Variants in CNTNAP2 observed in about 807,000 individuals in gnomAD.
CNTNAP2 encodes contactin-associated protein-like 2.
A neutral mutation model predicts 155.2 loss-of-function variants in CNTNAP2; 98 were observed. The observed-to-expected ratio is 0.63, with a 90% CI of 0.54 to 0.75. The LOEUF is 0.75. CNTNAP2 is among the 30% of genes least tolerant of loss of function. The pLI, the probability that CNTNAP2 is intolerant of heterozygous loss-of-function variation, is 0.00. For synonymous variants in CNTNAP2, 651 were observed against 631.2 expected (o/e 1.03, Z -0.47); for missense variants, 1,727 against 1,688.1 (o/e 1.02, Z -0.40).
chr7:146,160,097 G>A (rs1344304914), intron 1 of CNTNAP2, among the ~76,000 whole-genome samples: 1 of 152,132 alleles, frequency 6.6e-6, no homozygotes, highest in Non-Finnish European at 1.5e-5. Context: ...TGACTACTGA[G>A]CACATAACAA....
chr7:147,574,732 T>G (rs984516441), intron 12 of CNTNAP2, among the ~76,000 whole-genome samples: 5 of 152,104 alleles, frequency 3.3e-5, no homozygotes, highest in African/African-American at 9.7e-5. Context: ...TTGGTACAAG[T>G]GTAGGCAATC....
intron 9 of CNTNAP2, among the ~76,000 whole-genome samples, chr7:147,302,429 G>C (rs1172245583): frequency 2.6e-5 from 4 of 152,174 alleles, no homozygotes; most frequent in Non-Finnish European, 4.4e-5. Flanking sequence ...TCTGGTTTTT[G>C]AGCCCAGGAG....
At chr7:146,671,367 C>A (rs1164803725) in intron 1 of CNTNAP2, among the ~76,000 whole-genome samples, 1 of 151,832 alleles carries the variant, frequency 6.6e-6, no homozygotes, top group Non-Finnish European at 1.5e-5. Flanking sequence ...TAAACTATTT[C>A]TCTCTATCCC....
intron 1 of CNTNAP2, among the ~76,000 whole-genome samples, chr7:146,670,833 G>A (rs1800290935): frequency 6.6e-6 from 1 of 152,120 alleles, no homozygotes; most frequent in Non-Finnish European, 1.5e-5. Context: ...GGCAACTGAG[G>A]CTTTGCTCCG....
At chr7:147,050,396 C>T (rs1328635717) in intron 4 of CNTNAP2, among the ~76,000 whole-genome samples, 1 of 152,162 alleles carries the variant, frequency 6.6e-6, no homozygotes, top group Non-Finnish European at 1.5e-5. Context: ...GTAAGGACGG[C>T]ACCTTGGGAA....
chr7:147,869,458 A>G (rs1799291267), intron 13 of CNTNAP2, among the ~76,000 whole-genome samples: 1 of 152,256 alleles, frequency 6.6e-6, no homozygotes, highest in Non-Finnish European at 1.5e-5. Flanking sequence ...ATTTCAAAGT[A>G]CAACTACTGA....
At chr7:146,652,274 C>A (rs1279454175) in intron 1 of CNTNAP2, among the ~76,000 whole-genome samples, 1 of 152,100 alleles carries the variant, frequency 6.6e-6, no homozygotes, top group Non-Finnish European at 1.5e-5. Context: ...CAAAGAGGAA[C>A]ATTTTCTGAA....
At chr7:146,974,058 A>T (rs1324278007) in intron 3 of CNTNAP2, among the ~76,000 whole-genome samples, 3 of 152,186 alleles carry the variant, frequency 2.0e-5, no homozygotes, top group Admixed American at 6.6e-5. Context: ...CTTTTACCGG[A>T]TGCTGGGGTG....
chr7:147,046,203 T>A (rs1799353173), intron 4 of CNTNAP2, among the ~76,000 whole-genome samples: 1 of 152,194 alleles, frequency 6.6e-6, no homozygotes, highest in Non-Finnish European at 1.5e-5. Flanking sequence ...AGCACCCACC[T>A]GACCGTCCAC....
chr7:147,811,791 TA>T (rs946921161), intron 13 of CNTNAP2, among the ~76,000 whole-genome samples: 9 of 151,952 alleles, frequency 5.9e-5, no homozygotes, highest in African/African-American at 1.5e-4. Context: ...ATCCTTAATG[TA>T]AAAAAAATTC....
At chr7:146,721,092 A>G (rs912124817) in intron 1 of CNTNAP2, among the ~76,000 whole-genome samples, 23 of 131,464 alleles carry the variant, frequency 1.7e-4, no homozygotes, top group Non-Finnish European at 3.0e-4. Context: ...TATACTGTCT[A>G]TATATATTCT....
At chr7:146,868,992 T>C (rs1160971532) in intron 3 of CNTNAP2, among the ~76,000 whole-genome samples, 1 of 152,206 alleles carries the variant, frequency 6.6e-6, no homozygotes, top group East Asian at 1.9e-4. Context: ...GTCTTCCTAT[T>C]TGGATGTGCT....
At chr7:147,956,805 G>T (rs2116837279) in intron 14 of CNTNAP2, among the ~76,000 whole-genome samples, 1 of 152,252 alleles carries the variant, frequency 6.6e-6, no homozygotes, top group East Asian at 1.9e-4. Flanking sequence ...TTCTAGAAAT[G>T]AGTGAGATCA....
intron 14 of CNTNAP2, among the ~76,000 whole-genome samples, chr7:147,962,165 A>G (rs947577915): frequency 2.5e-4 from 38 of 152,256 alleles, no homozygotes; most frequent in Non-Finnish European, 5.0e-4. Flanking sequence ...AATGTAGTGG[A>G]CACTCAATAA....
chr7:147,407,467 C>CAAAAAAAAA (rs768738493), intron 10 of CNTNAP2, among the ~76,000 whole-genome samples: 2 of 64,904 alleles, frequency 3.1e-5, no homozygotes, highest in Non-Finnish European at 5.7e-5. Flanking sequence ...GACTCCCTCT[C>CAAAAAAAAA]AAAAAAAAAA....
chr7:146,722,144 C>T (rs930510133), intron 1 of CNTNAP2, among the ~76,000 whole-genome samples: 1 of 151,586 alleles, frequency 6.6e-6, no homozygotes, highest in Non-Finnish European at 1.5e-5. Flanking sequence ...CCTACCTTGG[C>T]CTCCCAAAGT....
chr7:146,173,038 C>A (rs576291042), intron 1 of CNTNAP2, among the ~76,000 whole-genome samples: 1 of 152,034 alleles, frequency 6.6e-6, no homozygotes, highest in Admixed American at 6.6e-5. Flanking sequence ...CTATTAACAT[C>A]AGGAAATATT....
chr7:146,479,840 A>G (rs1796933471), intron 1 of CNTNAP2, among the ~76,000 whole-genome samples: 1 of 152,010 alleles, frequency 6.6e-6, no homozygotes, highest in Non-Finnish European at 1.5e-5. Flanking sequence ...GCTGGAGTGC[A>G]GTGGTGCGAT....
intron 1 of CNTNAP2, among the ~76,000 whole-genome samples, chr7:146,502,096 C>A (rs1797308742): frequency 6.6e-6 from 1 of 151,490 alleles, no homozygotes; most frequent in Non-Finnish European, 1.5e-5. Context: ...AGAACATGTG[C>A]TATTTGTCTT....
Sources: gnomAD v4.1 joint callset for allele counts (sites outside exome capture counted in the v4.1 genomes callset) on GRCh38, gnomAD v4.1.1 for gene constraint, MANE v1.5 for transcripts, NCBI Gene and HGNC (gene_info 2026-07-23, HGNC 2026-07-21) for gene names.